The following DNM3 variants were observed in gnomAD, a reference collection of about 807,000 sequenced individuals.
DNM3 encodes the protein dynamin-3.
DNM3 carries 47 observed loss-of-function variants against 101.6 expected under a neutral mutation model. The observed-to-expected ratio is 0.46, with a 90% CI of 0.37 to 0.59. DNM3 has a LOEUF of 0.59. Ranked by LOEUF, DNM3 falls within the 20% of genes least tolerant of loss-of-function variation. The pLI is 0.00. For synonymous variants in DNM3, 385 were observed against 387.9 expected (o/e 0.99, Z 0.09); for missense variants, 849 against 1,085.7 (o/e 0.78, Z 3.06).
chr1:172,056,544 C>T (rs578182002), intron 10 of DNM3, among the ~76,000 whole-genome samples: 94 of 152,252 alleles, frequency 6.2e-4, no homozygotes, highest in African/African-American at 1.8e-3. Flanking sequence ...CCCTGACCCC[C>T]GAGCAGCCTA....
chr1:172,400,314 T>A (rs2070372668), intron 20 of DNM3, among the ~76,000 whole-genome samples: 1 of 152,000 alleles, frequency 6.6e-6, no homozygotes, highest in South Asian at 2.1e-4. Context: ...GTTTACCCCA[T>A]TCACCATCAG....
intron 2 of DNM3, among the ~76,000 whole-genome samples, chr1:171,959,919 G>A (rs1292262676): frequency 6.6e-6 from 1 of 152,156 alleles, no homozygotes; most frequent in Non-Finnish European, 1.5e-5. Flanking sequence ...CAGACAGCGG[G>A]TACTGTGGAG....
At chr1:172,252,783 G>C (rs2148684227) in intron 14 of DNM3, among the ~76,000 whole-genome samples, 1 of 152,074 alleles carries the variant, frequency 6.6e-6, no homozygotes, top group East Asian at 1.9e-4. Flanking sequence ...ATAATTTTTT[G>C]GCATCCAATG....
At chr1:172,222,979 GGGTGT>G (rs1417207087) in intron 14 of DNM3, among the ~76,000 whole-genome samples, 6 of 151,904 alleles carry the variant, frequency 3.9e-5, no homozygotes, top group African/African-American at 1.4e-4. Context: ...ATATACTATG[GGGTGT>G]AATGTGATGT....
chr1:172,392,295 T>C (rs2069587808), intron 20 of DNM3, among the ~76,000 whole-genome samples: 4 of 152,204 alleles, frequency 2.6e-5, no homozygotes, highest in Admixed American at 6.5e-5. Flanking sequence ...CATTGGTAAC[T>C]TGAGTATACA....
chr1:172,398,399 C>T (rs1307036420), intron 20 of DNM3, among the ~76,000 whole-genome samples: 2 of 152,102 alleles, frequency 1.3e-5, no homozygotes, highest in African/African-American at 2.4e-5. Flanking sequence ...GCCTCATCCA[C>T]GTACAACATT....
chr1:171,859,521 G>T (rs142631235), intron 1 of DNM3, among the ~76,000 whole-genome samples: 93 of 152,232 alleles, frequency 6.1e-4, no homozygotes, highest in Middle Eastern at 3.4e-3. Flanking sequence ...ATAATGGAGA[G>T]CTTTCAGCCT....
chr1:172,357,679 A>G (rs1230922543), intron 17 of DNM3, among the ~76,000 whole-genome samples: 1 of 152,046 alleles, frequency 6.6e-6, no homozygotes, highest in Non-Finnish European at 1.5e-5. Flanking sequence ...CCTTATCTTG[A>G]TCATTGTTGT....
Position 172,148,808 on chromosome 1 carries a change from C to T in DNM3, c.1659+17520C>T, listed in dbSNP as rs79772563. Among the ~76,000 whole-genome samples, 626 of 152,002 alleles carry T rather than the reference C, an allele frequency of 4.1e-3. 5 individuals are homozygous for T. Among genetic ancestry groups the T allele is most frequent in the Non-Finnish European group, 4.2e-3 (285 of 67,960 alleles). On this transcript the variant is annotated intron_variant, in intron 14 of 20. Coordinates refer to ENST00000627582, the MANE Select transcript of DNM3 (RefSeq NM_015569.5). ...TTTTTAATTGGAGGCAATGCAGTCC[C>T]CTAATCTCCTGCATTTCCTATTTTG...
chr1:171,871,743 A>G (rs2035303062), intron 1 of DNM3, among the ~76,000 whole-genome samples: 1 of 151,802 alleles, frequency 6.6e-6, no homozygotes, highest in African/African-American at 2.4e-5. Flanking sequence ...TTTAAAATGT[A>G]TTTTCTCTGG....
intron 14 of DNM3, among the ~76,000 whole-genome samples, chr1:172,162,445 ATGT>A (rs1473113528): frequency 6.6e-6 from 1 of 152,042 alleles, no homozygotes; most frequent in African/African-American, 2.4e-5. Context: ...TTAATATATG[ATGT>A]TGTCATGGTG....
intron 2 of DNM3, among the ~76,000 whole-genome samples, chr1:171,959,868 G>A (rs1431505674): frequency 6.6e-6 from 1 of 152,104 alleles, no homozygotes; most frequent in Non-Finnish European, 1.5e-5. Flanking sequence ...AGAGCTGTGG[G>A]GACAGAAGCC....
intron 2 of DNM3, among the ~76,000 whole-genome samples, chr1:171,947,636 G>A (rs2042250184): frequency 6.6e-6 from 1 of 152,050 alleles, no homozygotes; most frequent in South Asian, 2.1e-4. Flanking sequence ...ATTTCTCTAA[G>A]TTAAGATAAT....
chr1:171,955,722 G>A (rs2042809447), intron 2 of DNM3, among the ~76,000 whole-genome samples: 1 of 152,114 alleles, frequency 6.6e-6, no homozygotes, highest in Admixed American at 6.5e-5. Flanking sequence ...ATCTTAATTA[G>A]TAGAAGCTAA....
intron 10 of DNM3, among the ~76,000 whole-genome samples, chr1:172,063,223 T>G (rs2051384676): frequency 6.6e-6 from 1 of 152,220 alleles, no homozygotes; most frequent in Non-Finnish European, 1.5e-5. Context: ...AACTTGTTCC[T>G]CTTGATGATA....
At chr1:171,886,243 T>C (rs1233739347) in intron 1 of DNM3, among the ~76,000 whole-genome samples, 2 of 152,234 alleles carry the variant, frequency 1.3e-5, no homozygotes, top group African/African-American at 4.8e-5. Flanking sequence ...CCTTTTCCTC[T>C]TTTATTTGTG....
chr1:171,948,474 T>C (rs1033942724), intron 2 of DNM3, among the ~76,000 whole-genome samples: 5 of 152,174 alleles, frequency 3.3e-5, no homozygotes, highest in Non-Finnish European at 7.3e-5. Flanking sequence ...AAGGGTGATA[T>C]TGTAAACTGT....
intron 13 of DNM3, among the ~76,000 whole-genome samples, chr1:172,117,238 G>A (rs1020568311): frequency 1.3e-5 from 2 of 151,536 alleles, no homozygotes; most frequent in African/African-American, 2.4e-5. Context: ...TGAGGCCTAA[G>A]CCTTCTCTCT....
chr1:172,374,649 T>A (rs1435656080), intron 17 of DNM3, among the ~76,000 whole-genome samples: 1 of 152,136 alleles, frequency 6.6e-6, no homozygotes, highest in Non-Finnish European at 1.5e-5. Context: ...GTAAATAAGA[T>A]CAACTGCATA....
Sources: gnomAD v4.1 joint callset for allele counts (sites outside exome capture counted in the v4.1 genomes callset) on GRCh38, gnomAD v4.1.1 for gene constraint, MANE v1.5 for transcripts, NCBI Gene and HGNC (gene_info 2026-07-23, HGNC 2026-07-21) for gene names.